The following SDF4 variants were observed in gnomAD, a reference collection of about 807,000 sequenced individuals.
SDF4 encodes stromal cell derived factor 4.
SDF4 carries 22 observed loss-of-function variants against 34.2 expected under a neutral mutation model. That is an observed-to-expected ratio of 0.64 (90% CI 0.46 to 0.92). The LOEUF is 0.92. Among genes scored for constraint, SDF4 ranks in the 40% least tolerant of loss-of-function variants. SDF4 has a pLI of 0.00. For synonymous variants in SDF4, 236 were observed against 203.1 expected (o/e 1.16, Z -1.38); for missense variants, 447 against 499.9 (o/e 0.89, Z 1.01).
Position 1,229,907 on chromosome 1 carries a change from C to T in SDF4, c.-174-961G>A, listed in dbSNP as rs573440591. 1.3e-4 allele frequency among the ~76,000 whole-genome samples: 20 copies of T among 152,244 alleles called. No individual in the cohort carries two copies. In the East Asian group the frequency reaches 3.7e-3, roughly 28 times the overall value. ...ACCCCCACACACAGATGTGCACACA[C>T]ACATCCACACTCACGCATGCACGTA... On this transcript the variant is annotated intron_variant, in intron 1 of 6. Transcript: ENST00000360001.
rs115897146 is a variant in SDF4, at chr1:1,228,569, G to C, written c.204C>G (p.Arg68=). 2.7e-4 allele frequency: 442 copies of C among 1,613,162 alleles called. 2 individuals carry two copies. The African/African-American group carries it at 4.9e-3, about 18-fold the overall frequency. The part of the protein sequence containing the change: ...VKLEMDGHLN[R]GFHQEVFLGK... ...CTAGGAAGACCTCCTGGTGGAAGCCGCGATTGAGGTGCCCGTCCATCTCCA... is the reference window on the plus strand; with the variant it reads ...CTAGGAAGACCTCCTGGTGGAAGCCCCGATTGAGGTGCCCGTCCATCTCCA... The change falls in exon 2 of 7, where the codon CGC becomes CGG. Residue 68 remains arginine (R), a synonymous_variant. Coordinates refer to ENST00000360001, the MANE Select transcript of SDF4 (RefSeq NM_016176.6).
intron 3 of SDF4, 123 bp from the exon 4 acceptor site, chr1:1,223,480 C>T: frequency 1.3e-6 from 1 of 769,374 alleles, no homozygotes; most frequent in Non-Finnish European, 2.1e-6. Context: ...TCTGGAGCCC[C>T]AGGGCCCCGG....
At chr1:1,226,518 C>T (rs756505509) in intron 2 of SDF4, among the ~76,000 whole-genome samples, 5 of 152,220 alleles carry the variant, frequency 3.3e-5, no homozygotes, top group African/African-American at 4.8e-5. Context: ...TCTGAGACAC[C>T]GTTCCAGCCC....
chr1:1,217,714 G>A lies in SDF4; in HGVS notation c.892-26C>T, dbSNP rs2100964437. On this transcript the variant is annotated intron_variant, in intron 6 of 6. Coordinates refer to ENST00000360001, the MANE Select transcript of SDF4 (RefSeq NM_016176.6). The surrounding 1 kb of genome is among the most constrained non-coding windows in gnomAD (Gnocchi z 8.5). Reference sequence around the variant, plus strand: ...CTGCGGGCGAGCGGGGCACAGGTCAGCGTCGCCTTTCCCCCTCCGAGCTCC... The same window carrying A: ...CTGCGGGCGAGCGGGGCACAGGTCAACGTCGCCTTTCCCCCTCCGAGCTCC... 1 of 1,612,778 alleles carries A rather than the reference G, an allele frequency of 6.2e-7. No homozygotes were observed. Among genetic ancestry groups the A allele is most frequent in the Non-Finnish European group, 8.5e-7 (1 of 1,179,588 alleles).
chr1:1,223,731 G>A (rs1650116467), intron 3 of SDF4, 101 bp downstream of exon 3: 8 of 1,129,584 alleles, frequency 7.1e-6, no homozygotes, highest in East Asian at 2.6e-5. Context: ...CCCACCGCCC[G>A]TCCCTCAGAC....
In SDF4 at chr1:1,219,761, A is replaced by G. The variant is rs1055855723; in HGVS notation, c.557-834T>C. The G allele has an allele frequency of 1.2e-5, 12 of 985,802 alleles. No homozygotes were observed. In the African/African-American group the frequency reaches 2.1e-4, roughly 17 times the overall value. 61.1% of individuals were successfully genotyped at this position (985,802 alleles called of 1,614,324 possible). On this transcript the variant is annotated intron_variant, in intron 4 of 6. Coordinates refer to ENST00000360001, the MANE Select transcript of SDF4 (RefSeq NM_016176.6). Reference sequence around the variant, plus strand: ...CACCTCCTGCCCCATCTTGGGGCTCACTGCAGTCAGTGGCCAAGTCCAGTG... The same window carrying G: ...CACCTCCTGCCCCATCTTGGGGCTCGCTGCAGTCAGTGGCCAAGTCCAGTG...
chr1:1,226,246 G>A (rs559799483), intron 2 of SDF4, among the ~76,000 whole-genome samples: 1 of 152,272 alleles, frequency 6.6e-6, no homozygotes, highest in South Asian at 2.1e-4. Context: ...GGAGCATCTC[G>A]TGGTGCAGGG....
intron 2 of SDF4, among the ~76,000 whole-genome samples, chr1:1,224,186 C>G (rs1224640943): frequency 6.6e-6 from 1 of 152,198 alleles, no homozygotes; most frequent in Non-Finnish European, 1.5e-5. Context: ...ACGGTCCCCT[C>G]CCCGGGGAAA....
chr1:1,227,750 A>T (rs1003500728), intron 2 of SDF4, among the ~76,000 whole-genome samples: 4 of 152,268 alleles, frequency 2.6e-5, no homozygotes, highest in Non-Finnish European at 5.9e-5. Flanking sequence ...CTTGTGGGTG[A>T]GTGGTCAGGT....
intron 2 of SDF4, among the ~76,000 whole-genome samples, chr1:1,226,918 G>A (rs1195885616): frequency 6.6e-6 from 1 of 152,210 alleles, no homozygotes; most frequent in Non-Finnish European, 1.5e-5. Context: ...CAGGGGTGGT[G>A]AACCTGACAG....
In SDF4 at chr1:1,218,613, G is replaced by A. The variant is rs757890139; in HGVS notation, c.736C>T (p.Leu246Phe). The change falls in exon 6 of 7, where the codon CTC (leucine) becomes TTC (phenylalanine). Residue 246 changes from leucine (L) to phenylalanine (F), a missense_variant. Transcript: ENST00000360001. The surrounding 1 kb of genome is among the most constrained non-coding windows in gnomAD (Gnocchi z 7.9). ...RDLDQDGDKQLSVPEFISLPV... is the reference protein window; with the variant it reads ...RDLDQDGDKQFSVPEFISLPV... ...AGGGAGATGAACTCGGGCACAGAGAGCTGCTTGTCACCGTCCTGGTCTGCG... is the reference window on the plus strand; with the variant it reads ...AGGGAGATGAACTCGGGCACAGAGAACTGCTTGTCACCGTCCTGGTCTGCG... 4.6e-5 allele frequency: 75 copies of A among 1,613,862 alleles called. No homozygotes were observed. Among genetic ancestry groups the A allele is most frequent in the Non-Finnish European group, 6.0e-5 (71 of 1,179,942 alleles).
At chr1:1,224,122 G>A (rs560402635) in intron 2 of SDF4, among the ~76,000 whole-genome samples, 154 bp from the exon 3 acceptor site, 2 of 152,220 alleles carry the variant, frequency 1.3e-5, no homozygotes, top group Admixed American at 6.5e-5. Context: ...CGTCCGGGAC[G>A]TGGGGCTTGT....
intron 2 of SDF4, among the ~76,000 whole-genome samples, chr1:1,224,904 C>A (rs1459956303): frequency 6.6e-6 from 1 of 152,160 alleles, no homozygotes; most frequent in Non-Finnish European, 1.5e-5. Context: ...CATACCGAGA[C>A]CCTGACTCAA....
rs575144374 is a variant in SDF4 at position 1,219,665 on chromosome 1, C to A, written c.557-738G>T. The stretch of plus-strand genomic sequence containing the variant: ...TCCTGCCGTGCCCACCCGGCCCCAA[C>A]GGGCCCTCACCCCGAGGTCCCCACA... On this transcript the variant is annotated intron_variant, in intron 4 of 6. Transcript: ENST00000360001. The A allele has an allele frequency of 9.2e-4, 910 of 986,382 alleles. 6 individuals are homozygous for A. The Middle Eastern group carries it at 0.013, about 14-fold the overall frequency. The allele number at this position is 986,382 out of a possible 1,614,324, so 61.1% of individuals were successfully genotyped here.
intron 1 of SDF4, among the ~76,000 whole-genome samples, chr1:1,229,365 C>A (rs895408673): frequency 4.2e-5 from 6 of 143,132 alleles, no homozygotes; most frequent in Admixed American, 4.1e-4. Flanking sequence ...CACCCCCACG[C>A]CCAGTAATTT....
In SDF4 at chr1:1,218,815, G is replaced by C; in HGVS notation, c.669C>G (p.Ser223Arg). The part of the protein sequence containing the change: ...EFLSFLHPEH[S>R]RGMLRFMVKE... ...TCACCATGAACCTGAGCATTCCCCG[G>C]CTGTGCTCGGGGTGGAGGAACGACA... The change falls in exon 5 of 7, where the codon AGC becomes AGG. Residue 223 changes from serine (S) to arginine (R), a missense_variant. Coordinates refer to ENST00000360001, the MANE Select transcript of SDF4 (RefSeq NM_016176.6). The surrounding 1 kb of genome is among the most constrained non-coding windows in gnomAD (Gnocchi z 7.9). 1.2e-6 allele frequency: 2 copies of C among 1,607,986 alleles called. No individual in the cohort carries two copies. The highest frequency in any genetic ancestry group is 1.7e-6 in the Non-Finnish European group (2 of 1,175,928).
Position 1,218,001 on chromosome 1 carries a change from A to C in SDF4, c.892-313T>G, listed in dbSNP as rs1168689839. Among the ~76,000 whole-genome samples the C allele has an allele frequency of 7.2e-5, 11 of 152,184 alleles. No homozygotes were observed. Among genetic ancestry groups the C allele is most frequent in the Non-Finnish European group, 5.9e-5 (4 of 68,014 alleles). ...CCAGGAATCACAGGATTCTACATAAAAACAAGATGACTCACTCAGCAGTGG... is the reference window on the plus strand; with the variant it reads ...CCAGGAATCACAGGATTCTACATAACAACAAGATGACTCACTCAGCAGTGG... On this transcript the variant is annotated intron_variant, in intron 6 of 6. Transcript: ENST00000360001. The surrounding 1 kb of genome is among the most constrained non-coding windows in gnomAD (Gnocchi z 7.9).
At chr1:1,219,286 A>T in intron 4 of SDF4, 1 of 1,155,052 alleles carries the variant, frequency 8.7e-7, no homozygotes, top group Non-Finnish European at 1.1e-6. Context: ...CATGGCCTGG[A>T]CCCCCCACAC....
chr1:1,226,487 G>A lies in SDF4; in HGVS notation c.305+1981C>T, dbSNP rs574146347. 2.6e-5 allele frequency among the ~76,000 whole-genome samples: 4 copies of A among 152,278 alleles called. 1 individual carries two copies. The highest frequency in any genetic ancestry group is 4.1e-4 in the South Asian group (2 of 4,824). ...ACCCAGCCCTTCTCAGAACTGTTAC[G>A]TCCTCACAAAAACGGGAGAGTCTGA... is the stretch of plus-strand genomic sequence containing the variant. On this transcript the variant is annotated intron_variant, in intron 2 of 6. Coordinates refer to ENST00000360001, the MANE Select transcript of SDF4 (RefSeq NM_016176.6).
Sources: allele counts gnomAD v4.1 joint callset (sites outside exome capture counted in the v4.1 genomes callset), GRCh38; gene constraint gnomAD v4.1.1; non-coding constraint Gnocchi (gnomAD v3.1); transcripts MANE v1.5; gene names NCBI Gene and HGNC (gene_info 2026-07-23, HGNC 2026-07-21).